The following ARHGAP28 variants were observed in gnomAD, a reference collection of about 807,000 sequenced individuals.
ARHGAP28 encodes Rho GTPase activating protein 28.
Under a neutral mutation model 90.7 loss-of-function variants are expected in ARHGAP28, and 56 were observed. That is an observed-to-expected ratio of 0.62 (90% CI 0.50 to 0.77). The LOEUF is 0.77. ARHGAP28 is among the 30% of genes least tolerant of loss of function. The pLI, the probability that ARHGAP28 is intolerant of heterozygous loss-of-function variation, is 0.00. For synonymous variants in ARHGAP28, 308 were observed against 323.3 expected (o/e 0.95, Z 0.51); for missense variants, 869 against 900.9 (o/e 0.96, Z 0.45).
intron 3 of ARHGAP28, among the ~76,000 whole-genome samples, chr18:6,843,282 G>A (rs1042125222): frequency 2.6e-5 from 4 of 152,224 alleles, no homozygotes; most frequent in Non-Finnish European, 5.9e-5. Context: ...ACTCATCACC[G>A]AGAGTTAACT....
intron 1 of ARHGAP28, among the ~76,000 whole-genome samples, chr18:6,735,884 G>A (rs1281229799): frequency 6.6e-6 from 1 of 152,098 alleles, no homozygotes; most frequent in Non-Finnish European, 1.5e-5. Context: ...AGAAATCTGT[G>A]GAAGTAATAT....
chr18:6,883,694 CT>C, intron 11 of ARHGAP28, among the ~76,000 whole-genome samples: 1 of 152,236 alleles, frequency 6.6e-6, no homozygotes, highest in Admixed American at 6.5e-5. Flanking sequence ...AAAATTTGTC[CT>C]AAAAATTATG....
At chr18:6,895,921 CT>C (rs2057301566) in intron 15 of ARHGAP28, among the ~76,000 whole-genome samples, 2 of 152,106 alleles carry the variant, frequency 1.3e-5, no homozygotes, top group Non-Finnish European at 1.5e-5. Flanking sequence ...CATCACCATC[CT>C]TTGAGAAGGT....
chr18:6,748,572 G>C (rs1403250918), intron 1 of ARHGAP28, among the ~76,000 whole-genome samples: 1 of 152,164 alleles, frequency 6.6e-6, no homozygotes, highest in Non-Finnish European at 1.5e-5. Context: ...TGATGGAGGA[G>C]AGGCTGGGAG....
In ARHGAP28 at chr18:6,913,572, G is replaced by A. The variant is rs1423851182; in HGVS notation, c.*1418G>A. On this transcript the variant is annotated 3_prime_UTR_variant, in exon 18 of 18. Transcript: ENST00000383472. ...AAACATCTTTTTGTCTACTTCGCAA[G>A]TCTCAAAACGTGATAATATTTAAGC... 2.6e-5 allele frequency: 4 copies of A among 152,052 alleles called. No homozygotes were observed. The highest frequency in any genetic ancestry group is 2.0e-4 in the Admixed American group (3 of 15,272). The allele number at this position is 152,052 out of a possible 1,614,324, so 9.4% of individuals were successfully genotyped here.
At chr18:6,871,043 G>A (rs896378342) in intron 7 of ARHGAP28, among the ~76,000 whole-genome samples, 7 of 152,138 alleles carry the variant, frequency 4.6e-5, no homozygotes, top group African/African-American at 7.2e-5. Context: ...CTCACGATCT[G>A]CCTGCCTCGG....
At chr18:6,825,039 A>T (rs1293513000) in intron 2 of ARHGAP28, 75 bp downstream of exon 2, 1 of 1,277,180 alleles carries the variant, frequency 7.8e-7, no homozygotes, top group Non-Finnish European at 1.0e-6. Flanking sequence ...GTTCATAGGC[A>T]GAAATCATCC....
intron 1 of ARHGAP28, among the ~76,000 whole-genome samples, chr18:6,784,551 G>T (rs1375512086): frequency 6.6e-6 from 1 of 152,148 alleles, no homozygotes; most frequent in Non-Finnish European, 1.5e-5. Context: ...AAGTGTTACT[G>T]ATTCCATTCT....
chr18:6,910,148 T>A (rs1255412238), intron 17 of ARHGAP28, among the ~76,000 whole-genome samples: 1 of 152,174 alleles, frequency 6.6e-6, no homozygotes, highest in East Asian at 1.9e-4. Context: ...CGTCTGTTTT[T>A]AGAACTGCCT....
chr18:6,850,954 T>G, intron 3 of ARHGAP28, 80 bp from the exon 4 acceptor site: 1 of 1,577,224 alleles, frequency 6.3e-7, no homozygotes. Flanking sequence ...ATAAAAACTC[T>G]AGTGTAATGC....
Position 6,875,888 on chromosome 18 carries a change from G to A in ARHGAP28, c.1213-243G>A, listed in dbSNP as rs147121517. Among the ~76,000 whole-genome samples, 409 of 152,298 alleles carry A rather than the reference G, an allele frequency of 2.7e-3. 3 individuals are homozygous for A. Among genetic ancestry groups the A allele is most frequent in the African/African-American group, 8.9e-3 (368 of 41,568 alleles). ...AAGAGCACGAACTTGAGTCAGTGCC[G>A]TTACTTACGAGGTTGATCTTGGGAA... On this transcript the variant is annotated intron_variant, in intron 9 of 17. Coordinates refer to ENST00000383472, the MANE Select transcript of ARHGAP28 (RefSeq NM_001366230.1).
intron 3 of ARHGAP28, among the ~76,000 whole-genome samples, chr18:6,841,139 TCA>T (rs1237935229): frequency 7.7e-5 from 11 of 143,374 alleles, no homozygotes; most frequent in African/African-American, 2.1e-4. Context: ...CTCTCCTCTC[TCA>T]CTGTCTCTCT....
chr18:6,776,158 A>G (rs2056281735), intron 1 of ARHGAP28, among the ~76,000 whole-genome samples: 1 of 152,146 alleles, frequency 6.6e-6, no homozygotes, highest in East Asian at 1.9e-4. Flanking sequence ...ATGAGCTAAA[A>G]TAGCCCCTGA....
intron 1 of ARHGAP28, among the ~76,000 whole-genome samples, chr18:6,766,231 T>C (rs1349017655): frequency 2.0e-5 from 3 of 152,220 alleles, no homozygotes; most frequent in Admixed American, 2.0e-4. Context: ...CATGTGTCGC[T>C]CCTTTCAGTT....
intron 2 of ARHGAP28, chr18:6,834,635 G>T (rs566859840): frequency 6.6e-6 from 1 of 152,168 alleles, no homozygotes; most frequent in Non-Finnish European, 1.5e-5. Context: ...GATCAAGAAT[G>T]GCATAGGAGG....
chr18:6,798,280 G>A (rs1341935398), intron 1 of ARHGAP28, among the ~76,000 whole-genome samples: 4 of 152,044 alleles, frequency 2.6e-5, no homozygotes, highest in Admixed American at 6.6e-5. Flanking sequence ...TGCAACTTCC[G>A]CCTCCCAGGT....
chr18:6,865,284 C>T (rs2057029894), intron 5 of ARHGAP28, among the ~76,000 whole-genome samples: 1 of 152,118 alleles, frequency 6.6e-6, no homozygotes, highest in African/African-American at 2.4e-5. Flanking sequence ...CAGATGTGAA[C>T]AATGTTTTAA....
rs776937358 is a variant in ARHGAP28 at position 6,841,167 on chromosome 18, C to CCTCTCTCTCTCTCTCTCTCT, written c.543+3766_543+3767insTCTCTCTCTCTCTCTCTCTC. 8.8e-5 allele frequency among the ~76,000 whole-genome samples: 7 copies of CCTCTCTCTCTCTCTCTCTCT among 79,996 alleles called. 1 individual carries two copies. Among genetic ancestry groups the CCTCTCTCTCTCTCTCTCTCT allele is most frequent in the African/African-American group, 2.7e-4 (5 of 18,534 alleles). The allele number at this position is 79,996 out of a possible 152,430, so 52.5% of individuals were successfully genotyped here. A position where few individuals can be genotyped will look rare whatever the true frequency, so the allele number is the denominator to read the frequency against. The stretch of plus-strand genomic sequence containing the variant: ...CTGTCTCTCTCCTCTTTCTCTCTCT[C>CCTCTCTCTCTCTCTCTCTCT]CTCTCTCTCTCTCCTCTCTCTCTCT... On this transcript the variant is annotated intron_variant, in intron 3 of 17. Coordinates refer to ENST00000383472, the MANE Select transcript of ARHGAP28 (RefSeq NM_001366230.1).
intron 2 of ARHGAP28, among the ~76,000 whole-genome samples, chr18:6,829,811 A>C (rs1480744185): frequency 6.6e-6 from 1 of 152,228 alleles, no homozygotes; most frequent in Non-Finnish European, 1.5e-5. Flanking sequence ...ACTATTAAGT[A>C]GTTTGTTTCA....
Sources: allele counts gnomAD v4.1 joint callset (sites outside exome capture counted in the v4.1 genomes callset), GRCh38; gene constraint gnomAD v4.1.1; transcripts MANE v1.5; gene names NCBI Gene and HGNC (gene_info 2026-07-23, HGNC 2026-07-21).